The following BMPR1B variants were observed in gnomAD, a reference collection of about 807,000 sequenced individuals.
BMPR1B encodes the protein bone morphogenetic protein receptor type-1B.
BMPR1B carries 12 observed loss-of-function variants against 59.1 expected under a neutral mutation model. The ratio of observed to expected loss-of-function variants is 0.20; its 90% CI spans 0.13 to 0.33. The LOEUF is 0.33. Among genes scored for constraint, BMPR1B ranks in the 10% least tolerant of loss-of-function variants. BMPR1B has a pLI of 1.00. For synonymous variants in BMPR1B, 237 were observed against 207.3 expected, an observed-to-expected ratio of 1.14 and a Z score of -1.23; for missense variants, 550 against 610.9, an observed-to-expected ratio of 0.90 and a Z score of 1.05.
At chr4:94,979,790 A>T (rs1200296431) in intron 2 of BMPR1B, among the ~76,000 whole-genome samples, 3 of 152,200 alleles carry the variant, frequency 2.0e-5, no homozygotes, top group Non-Finnish European at 4.4e-5. Context: ...TCTTGGCCAC[A>T]CCAGCTTGGC....
At position 94,930,267 on chromosome 4, in the gene BMPR1B, A is replaced by G. The variant is rs1729049430; in HGVS notation, c.-113+54367A>G. ...AGTATAACATATGAGACCCTTGAAT[A>G]TATGGCATTGCTTAGATCTTCTGGT... On this transcript the variant is annotated intron_variant, in intron 2 of 12. Coordinates refer to ENST00000515059, the MANE Select transcript of BMPR1B (RefSeq NM_001203.3). Among the ~76,000 whole-genome samples the G allele has an allele frequency of 2.0e-5, 3 of 152,108 alleles. 1 individual carries two copies. The highest frequency in any genetic ancestry group is 4.1e-4 in the South Asian group (2 of 4,832).
intron 3 of BMPR1B, among the ~76,000 whole-genome samples, chr4:95,062,286 C>G (rs1382337000): frequency 1.3e-5 from 2 of 152,152 alleles, no homozygotes; most frequent in Non-Finnish European, 2.9e-5. Flanking sequence ...GAACTGATAA[C>G]TTCTGCTTTG....
chr4:95,034,731 T>G (rs1225457600), intron 3 of BMPR1B, among the ~76,000 whole-genome samples: 3 of 152,060 alleles, frequency 2.0e-5, no homozygotes. Context: ...TGTGCTGCTA[T>G]AAACAGGTGT....
intron 3 of BMPR1B, among the ~76,000 whole-genome samples, chr4:95,024,129 T>C (rs944139878): frequency 6.6e-6 from 1 of 152,216 alleles, no homozygotes; most frequent in African/African-American, 2.4e-5. Context: ...AGTTAGCCCA[T>C]GAGGCCAAAA....
At chr4:95,050,071 T>C (rs1464680656) in intron 3 of BMPR1B, among the ~76,000 whole-genome samples, 2 of 152,068 alleles carry the variant, frequency 1.3e-5, no homozygotes, top group African/African-American at 2.4e-5. Flanking sequence ...GGATTCCAAA[T>C]TGGCAGTGGA....
At chr4:94,901,676 A>C (rs1727814067) in intron 2 of BMPR1B, among the ~76,000 whole-genome samples, 2 of 152,142 alleles carry the variant, frequency 1.3e-5, no homozygotes, top group South Asian at 4.1e-4. Context: ...CAAATTGGCA[A>C]AAAAATAGTT....
chr4:95,154,785 C>G lies in BMPR1B; in HGVS notation c.*112C>G, dbSNP rs1478159896. The G allele has an allele frequency of 6.7e-7, 1 of 1,503,204 alleles. No homozygotes were observed. 93.1% of individuals were successfully genotyped at this position (1,503,204 alleles called of 1,614,324 possible). ...CACAGTACAAGCCTTGAACATCGTC[C>G]TGCTTCCCAGTGGGTTCAGACCTCA... On this transcript the variant is annotated 3_prime_UTR_variant, in exon 13 of 13. Coordinates refer to ENST00000515059, the MANE Select transcript of BMPR1B (RefSeq NM_001203.3).
chr4:94,811,086 C>T (rs770240349), intron 1 of BMPR1B, among the ~76,000 whole-genome samples: 75 of 152,132 alleles, frequency 4.9e-4, no homozygotes, highest in South Asian at 2.1e-4. Flanking sequence ...TATATTTGGT[C>T]ATGATAACAA....
intron 1 of BMPR1B, among the ~76,000 whole-genome samples, chr4:94,771,830 T>C (rs532538374): frequency 6.6e-6 from 1 of 152,300 alleles, no homozygotes; most frequent in South Asian, 2.1e-4. Flanking sequence ...GGTAGAGGGA[T>C]GCAAGATGAA....
At chr4:94,824,834 G>A (rs1724328690) in intron 1 of BMPR1B, among the ~76,000 whole-genome samples, 1 of 152,040 alleles carries the variant, frequency 6.6e-6, no homozygotes, top group Non-Finnish European at 1.5e-5. Flanking sequence ...GTTATATATA[G>A]TGTTCAAATT....
intron 10 of BMPR1B, among the ~76,000 whole-genome samples, chr4:95,138,672 G>A (rs988220050): frequency 6.6e-6 from 1 of 152,028 alleles, no homozygotes; most frequent in African/African-American, 2.4e-5. Context: ...TTCCATCACT[G>A]ATACCCTTTC....
rs9994321 is a variant in BMPR1B, at chr4:94,923,719, A to C, written c.-113+47819A>C. Reference sequence around the variant, plus strand: ...ATAAAATCAGATGTGTTCTTGTTGGAGGTGAAATAGTGGGAAGAGAGGGGT... The same window carrying C: ...ATAAAATCAGATGTGTTCTTGTTGGCGGTGAAATAGTGGGAAGAGAGGGGT... On this transcript the variant is annotated intron_variant, in intron 2 of 12. Transcript: ENST00000515059. Among the ~76,000 whole-genome samples, 1,123 of 152,176 alleles carry C rather than the reference A, an allele frequency of 7.4e-3. 16 individuals carry two copies. The highest frequency in any genetic ancestry group is 0.026 in the African/African-American group (1,076 of 41,528).
chr4:94,886,964 T>C (rs1727192378), intron 2 of BMPR1B, among the ~76,000 whole-genome samples: 1 of 152,152 alleles, frequency 6.6e-6, no homozygotes, highest in South Asian at 2.1e-4. Flanking sequence ...TTTCAAAGTA[T>C]GTGCTATTTA....
chr4:95,018,996 T>C lies in BMPR1B; in HGVS notation c.-18+22862T>C, dbSNP rs536375623. Among the ~76,000 whole-genome samples the C allele has an allele frequency of 1.1e-4, 16 of 152,302 alleles. No individual in the cohort carries two copies. In the South Asian group the frequency reaches 3.3e-3, roughly 32 times the overall value. On this transcript the variant is annotated intron_variant, in intron 3 of 12. Coordinates refer to ENST00000515059, the MANE Select transcript of BMPR1B (RefSeq NM_001203.3). Reference sequence around the variant, plus strand: ...AATCTTTTTGTTTAATTATAATGAATGTGCAATTGGGGTGCATGAACTTTC... The same window carrying C: ...AATCTTTTTGTTTAATTATAATGAACGTGCAATTGGGGTGCATGAACTTTC...
chr4:94,979,750 C>T (rs181350115), intron 2 of BMPR1B, among the ~76,000 whole-genome samples: 10 of 152,290 alleles, frequency 6.6e-5, no homozygotes, highest in South Asian at 2.1e-4. Flanking sequence ...TTTAAGGCGA[C>T]GAATGTGCAG....
At chr4:94,940,373 G>A (rs997188591) in intron 2 of BMPR1B, among the ~76,000 whole-genome samples, 7 of 152,102 alleles carry the variant, frequency 4.6e-5, no homozygotes, top group Non-Finnish European at 1.0e-4. Context: ...TTTTATGTGT[G>A]GCCCAAGACA....
chr4:94,790,959 T>G (rs1484555819), intron 1 of BMPR1B, among the ~76,000 whole-genome samples: 1 of 152,146 alleles, frequency 6.6e-6, no homozygotes, highest in Non-Finnish European at 1.5e-5. Flanking sequence ...AAGAATAAAT[T>G]TGAAATTAAC....
chr4:95,114,666 ACACTGACT>A, intron 4 of BMPR1B, 46 bp from the exon 5 acceptor site: 1 of 1,423,926 alleles, frequency 7.0e-7, no homozygotes, highest in Admixed American at 1.7e-5. Flanking sequence ...ACACACACAC[ACACTGACT>A]CACACACACA....
intron 1 of BMPR1B, among the ~76,000 whole-genome samples, chr4:94,871,675 C>G (rs1029269243): frequency 6.6e-6 from 1 of 152,146 alleles, no homozygotes; most frequent in African/African-American, 2.4e-5. Flanking sequence ...CTTCAATATT[C>G]CATTATTTTA....
Sources: gnomAD v4.1 joint callset for allele counts (sites outside exome capture counted in the v4.1 genomes callset) on GRCh38, gnomAD v4.1.1 for gene constraint, MANE v1.5 for transcripts, NCBI Gene and HGNC (gene_info 2026-07-23, HGNC 2026-07-21) for gene names.